Variants in GSE1 observed in about 807,000 individuals in gnomAD.
GSE1 encodes the protein Gse1 coiled-coil protein, also known as genetic suppressor element 1.
GSE1 carries 32 observed loss-of-function variants against 112.6 expected under a neutral mutation model. The observed-to-expected ratio is 0.28, with a 90% CI of 0.21 to 0.38. The LOEUF is 0.38. GSE1 is among the 10% of genes least tolerant of loss of function. The pLI is 1.00. For synonymous variants in GSE1, 1,115 were observed against 735.6 expected (o/e 1.52, Z -8.35); for missense variants, 2,348 against 1,699.2 (o/e 1.38, Z -6.71).
At chr16:85,363,364 C>T (rs2047122679) in intron 2 of GSE1, among the ~76,000 whole-genome samples, 1 of 152,206 alleles carries the variant, frequency 6.6e-6, no homozygotes. Context: ...TAGCTGTCTG[C>T]TTTGCCTCCA....
intron 1 of GSE1, among the ~76,000 whole-genome samples, chr16:85,341,858 G>A (rs1376018351): frequency 6.6e-6 from 1 of 152,034 alleles, no homozygotes; most frequent in Non-Finnish European, 1.5e-5. Flanking sequence ...TAGGGAATAA[G>A]GCCTCGTGGT....
upstream of GSE1, among the ~76,000 whole-genome samples, chr16:85,607,730 C>T (rs961413314): frequency 2.0e-5 from 3 of 152,208 alleles, no homozygotes; most frequent in South Asian, 4.1e-4. Context: ...GCGCTGCTTT[C>T]CCCTCTCTCC....
At chr16:85,432,537 C>G (rs973649389) in intron 2 of GSE1, among the ~76,000 whole-genome samples, 2 of 152,260 alleles carry the variant, frequency 1.3e-5, no homozygotes, top group Admixed American at 1.3e-4. Context: ...CTTGCGTGTT[C>G]TCTTCAGGGC....
intron 1 of GSE1, among the ~76,000 whole-genome samples, chr16:85,330,312 C>T (rs1263050587): frequency 2.0e-5 from 3 of 152,174 alleles, no homozygotes; most frequent in Non-Finnish European, 4.4e-5. Context: ...GACCGAGGAG[C>T]TGGAGTGCTG....
chr16:85,522,509 GATCC>G (rs72025340), intron 2 of GSE1, among the ~76,000 whole-genome samples: 6,740 of 152,196 alleles, frequency 0.044, 296 homozygotes, highest in South Asian at 0.13. Flanking sequence ...AGAGTGATTG[GATCC>G]AGCCAGTGGT....
In GSE1 at chr16:85,672,763, C is replaced by T. The variant is rs2053451017; in HGVS notation, c.*224C>T. The stretch of plus-strand genomic sequence containing the variant: ...TCAGCGAGCAACCAATGTAGGATTG[C>T]CCACAGTTTTTCTTTTTAAAGGTGG... On this transcript the variant is annotated 3_prime_UTR_variant, in exon 16 of 16. Coordinates refer to ENST00000253458, the MANE Select transcript of GSE1 (RefSeq NM_014615.5). 3 of 364,258 alleles carry T rather than the reference C, an allele frequency of 8.2e-6. No individual in the cohort carries two copies. Among genetic ancestry groups the T allele is most frequent in the Non-Finnish European group, 1.5e-5 (3 of 202,710 alleles). The allele number at this position is 364,258 out of a possible 1,614,324, so 22.6% of individuals were successfully genotyped here. A position where few individuals can be genotyped will look rare whatever the true frequency, so the allele number is the denominator to read the frequency against.
At chr16:85,645,245 T>G (rs1441625179) in intron 2 of GSE1, among the ~76,000 whole-genome samples, 1 of 151,766 alleles carries the variant, frequency 6.6e-6, no homozygotes, top group Non-Finnish European at 1.5e-5. Flanking sequence ...TCAGCCTCAT[T>G]CCCCACCTGG....
At chr16:85,331,381 A>G (rs1436611565) in intron 1 of GSE1, among the ~76,000 whole-genome samples, 4 of 135,980 alleles carry the variant, frequency 2.9e-5, no homozygotes, top group African/African-American at 1.1e-4. Flanking sequence ...ATGTATATAT[A>G]TGTATATATA....
chr16:85,651,387 G>A (rs2051341063), intron 3 of GSE1, among the ~76,000 whole-genome samples: 1 of 152,024 alleles, frequency 6.6e-6, no homozygotes, highest in South Asian at 2.1e-4. Context: ...CCGGGCCCCT[G>A]CCCCGCCTGC....
At chr16:85,246,380 TAC>T (rs1426503377) in intron 1 of GSE1, among the ~76,000 whole-genome samples, 1 of 55,756 alleles carries the variant, frequency 1.8e-5, no homozygotes, top group South Asian at 6.1e-4. Context: ...ACACGCTGTC[TAC>T]ACACACACCC....
intron 2 of GSE1, among the ~76,000 whole-genome samples, chr16:85,378,795 C>G (rs965643785): frequency 7.2e-5 from 11 of 152,240 alleles, no homozygotes; most frequent in South Asian, 2.1e-4. Flanking sequence ...CCACCTTCGT[C>G]CCTGTCCTTG....
intron 2 of GSE1, among the ~76,000 whole-genome samples, chr16:85,467,096 A>G (rs2050145661): frequency 6.6e-6 from 1 of 152,236 alleles, no homozygotes; most frequent in Admixed American, 6.5e-5. Context: ...GGGGCAGGGT[A>G]GGCGGTAGAT....
chr16:85,178,378 G>A (rs951841986), intron 1 of GSE1, among the ~76,000 whole-genome samples: 4 of 152,082 alleles, frequency 2.6e-5, no homozygotes, highest in South Asian at 2.1e-4. Flanking sequence ...GGACGGGCAC[G>A]AGGGGTGGGC....
At chr16:85,245,277 G>T (rs1251762195) in intron 1 of GSE1, among the ~76,000 whole-genome samples, 2 of 152,214 alleles carry the variant, frequency 1.3e-5, no homozygotes, top group South Asian at 2.1e-4. Context: ...CGCAGCCCTT[G>T]CCCTGCTATT....
intron 1 of GSE1, among the ~76,000 whole-genome samples, chr16:85,586,599 C>G (rs1286174963): frequency 1.3e-5 from 2 of 152,226 alleles, no homozygotes; most frequent in African/African-American, 4.8e-5. Context: ...AGAGTCGCAG[C>G]TGCTCCTACA....
At chr16:85,475,984 G>A (rs918096463) in intron 2 of GSE1, among the ~76,000 whole-genome samples, 5 of 152,044 alleles carry the variant, frequency 3.3e-5, no homozygotes, top group African/African-American at 9.7e-5. Context: ...GAGTTGGAGT[G>A]CAGTGACACG....
chr16:85,224,850 T>C (rs896155708), intron 1 of GSE1, among the ~76,000 whole-genome samples: 2 of 139,694 alleles, frequency 1.4e-5, no homozygotes, highest in South Asian at 4.5e-4. Flanking sequence ...AAAAAAAAAA[T>C]TAGCCAGGTG....
At position 85,382,760 on chromosome 16, in the gene GSE1, CAT is replaced by C. The variant is rs912187994; in HGVS notation, c.2464+25118_2464+25119del. 5.9e-5 allele frequency among the ~76,000 whole-genome samples: 9 copies of C among 151,684 alleles called. No homozygotes were observed. The South Asian group carries it at 6.3e-4, about 11-fold the overall frequency. On this transcript the variant is annotated intron_variant, in intron 2 of 2. Transcript: ENST00000637419. ...GTGCACACTCAAGCATGTGCACACA[CAT>C]GTATGCACACCCATGCATGCACACA... is the stretch of plus-strand genomic sequence containing the variant.
chr16:85,423,670 C>T (rs1160466975), intron 2 of GSE1, among the ~76,000 whole-genome samples: 1 of 152,068 alleles, frequency 6.6e-6, no homozygotes, highest in African/African-American at 2.4e-5. Context: ...GCCTGGTGTC[C>T]AGAGTGGGAG....
Sources: gnomAD v4.1 joint callset for allele counts (sites outside exome capture counted in the v4.1 genomes callset) on GRCh38, gnomAD v4.1.1 for gene constraint, MANE v1.5 for transcripts, NCBI Gene and HGNC (gene_info 2026-07-23, HGNC 2026-07-21) for gene names.